CDH23: variants seen among roughly 807,000 people sequenced by gnomAD.
The protein encoded by CDH23 is cadherin-23.
A neutral mutation model predicts 317.1 loss-of-function variants in CDH23; 189 were observed. That is an observed-to-expected ratio of 0.60 (90% CI 0.53 to 0.67). The LOEUF (loss-of-function observed/expected upper bound fraction) is 0.67. Ranked by LOEUF, CDH23 falls within the 30% of genes least tolerant of loss-of-function variation. CDH23 has a pLI of 0.00. For synonymous variants in CDH23, 1,839 were observed against 1,876.8 expected (o/e 0.98, Z 0.52); for missense variants, 4,401 against 4,592.4 (o/e 0.96, Z 1.20).
chr10:71,455,570 G>T (rs1419832937), intron 3 of CDH23, among the ~76,000 whole-genome samples: 1 of 152,114 alleles, frequency 6.6e-6, no homozygotes, highest in Non-Finnish European at 1.5e-5. Context: ...TATTGTGCAT[G>T]CGAACAGAAG....
At chr10:71,615,727 C>T (rs944136147) in intron 10 of CDH23, 111 bp downstream of exon 10, 2 of 743,032 alleles carry the variant, frequency 2.7e-6, no homozygotes, top group Non-Finnish European at 4.5e-6. Context: ...GCCGGAAGCA[C>T]TTCGCTTCCG....
In CDH23 at chr10:71,784,420, A is replaced by G. The variant is rs372785265; in HGVS notation, c.5502A>G (p.Thr1834=). 21 of 1,612,422 alleles carry G rather than the reference A, an allele frequency of 1.3e-5. No individual in the cohort carries two copies. The East Asian group carries it at 1.8e-4, about 14-fold the overall frequency. ...GGGGGATGCCCCCACTCAGCTCCAC[A>G]GTGAGTCTGGGGGCCCCACCCGCTG... ...RDRGMPPLSS[T]MLVGIRVLDI... is the part of the protein sequence containing the mutation. The change falls in exon 42 of 70, where the codon ACA becomes ACG. Residue 1834 remains threonine, a splice_region_variant and synonymous_variant. Coordinates refer to ENST00000224721, the MANE Select transcript of CDH23 (RefSeq NM_022124.6).
intron 6 of CDH23, among the ~76,000 whole-genome samples, chr10:71,552,599 A>G (rs566073440): frequency 1.2e-3 from 188 of 152,254 alleles, no homozygotes; most frequent in Non-Finnish European, 1.9e-3. Context: ...TCTATATTCC[A>G]AGGATGGTCC....
At position 71,803,243 on chromosome 10, in the gene CDH23, G is replaced by A; in HGVS notation, c.7695G>A (p.Val2565=). 1 of 1,601,382 alleles carries A rather than the reference G, an allele frequency of 6.2e-7. No homozygotes were observed. ...ATGTGGACATGGACTCGGGCTTGGT[G>A]ACCACACAGCGGCCACTGCAGTCCT... ...AFHVDMDSGL[V]TTQRPLQSYE... The change falls in exon 55 of 70, where the codon GTG becomes GTA. Residue 2565 remains valine (V), a synonymous_variant. Transcript: ENST00000224721.
intron 3 of CDH23, among the ~76,000 whole-genome samples, chr10:71,452,669 A>G (rs1850506724): frequency 6.6e-6 from 1 of 152,160 alleles, no homozygotes; most frequent in Non-Finnish European, 1.5e-5. Context: ...ATTTGTGTGG[A>G]ACTCCCCATT....
intron 31 of CDH23, among the ~76,000 whole-genome samples, chr10:71,731,349 A>C (rs1389688390): frequency 1.3e-5 from 2 of 152,298 alleles, no homozygotes; most frequent in East Asian, 3.9e-4. Flanking sequence ...TGTGGCATGC[A>C]TGGGATGGGG....
intron 11 of CDH23, among the ~76,000 whole-genome samples, chr10:71,625,652 G>C (rs1861698219): frequency 1.3e-5 from 2 of 152,174 alleles, no homozygotes; most frequent in Non-Finnish European, 1.5e-5. Flanking sequence ...GGTCCTGTTA[G>C]GCAGTTTGTC....
At chr10:71,577,603 T>A (rs1858301906) in intron 8 of CDH23, among the ~76,000 whole-genome samples, 1 of 152,124 alleles carries the variant, frequency 6.6e-6, no homozygotes, top group African/African-American at 2.4e-5. Flanking sequence ...TGAGACCAGA[T>A]CTCTTGTCTC....
intron 34 of CDH23, 127 bp downstream of exon 34, chr10:71,734,785 C>T: frequency 3.5e-6 from 2 of 569,226 alleles, no homozygotes; most frequent in African/African-American, 1.9e-5. Context: ...CTGCAGCAGG[C>T]CCCCTCCCAG....
At chr10:71,435,550 T>A (rs1023724703) in intron 1 of CDH23, among the ~76,000 whole-genome samples, 3 of 152,166 alleles carry the variant, frequency 2.0e-5, no homozygotes, top group Non-Finnish European at 4.4e-5. Flanking sequence ...CTTGAGAGAT[T>A]TGGGGGCAGC....
intron 14 of CDH23, among the ~76,000 whole-genome samples, chr10:71,663,749 C>A (rs757522681): frequency 4.6e-5 from 7 of 152,210 alleles, no homozygotes; most frequent in Non-Finnish European, 8.8e-5. Flanking sequence ...AGGATTAAAT[C>A]AGTGAGCATT....
chr10:71,516,343 A>T (rs182439150), intron 6 of CDH23, among the ~76,000 whole-genome samples: 5 of 152,258 alleles, frequency 3.3e-5, no homozygotes, highest in African/African-American at 1.2e-4. Context: ...TGAGAGGTGG[A>T]GGGTCCTTGC....
intron 3 of CDH23, among the ~76,000 whole-genome samples, chr10:71,449,355 C>T (rs1462368528): frequency 2.0e-5 from 3 of 152,106 alleles, no homozygotes; most frequent in Admixed American, 2.0e-4. Flanking sequence ...CCTTAGACAC[C>T]CAGTGATGGT....
intron 38 of CDH23, among the ~76,000 whole-genome samples, chr10:71,759,854 C>CACATATATAT (rs1840262050): frequency 9.2e-6 from 1 of 109,202 alleles, no homozygotes; most frequent in Non-Finnish European, 2.1e-5. Context: ...CACATATACA[C>CACATATATAT]ACACACACAC....
chr10:71,807,823 A>C (rs1427351358), intron 59 of CDH23, 23 bp from the exon 60 acceptor site: 5 of 1,592,866 alleles, frequency 3.1e-6, no homozygotes, highest in Non-Finnish European at 4.3e-6. Flanking sequence ...CCTGCCACTT[A>C]CACCACCTGC....
chr10:71,590,143 C>T (rs998820223), intron 9 of CDH23, among the ~76,000 whole-genome samples: 1 of 152,232 alleles, frequency 6.6e-6, no homozygotes, highest in Non-Finnish European at 1.5e-5. Flanking sequence ...GCTCCTCTGC[C>T]ACCTCTCTCT....
At chr10:71,664,946 T>G (rs968411359) in intron 14 of CDH23, among the ~76,000 whole-genome samples, 6 of 151,910 alleles carry the variant, frequency 3.9e-5, no homozygotes, top group Non-Finnish European at 8.8e-5. Flanking sequence ...TCTGATGTCC[T>G]TTCCTCCCTA....
chr10:71,663,092 A>G (rs1272612057), intron 14 of CDH23, among the ~76,000 whole-genome samples: 1 of 152,234 alleles, frequency 6.6e-6, no homozygotes, highest in Non-Finnish European at 1.5e-5. Context: ...AAAATCTTCC[A>G]CATAATTATT....
At chr10:71,430,647 A>G (rs1849328269) in intron 1 of CDH23, among the ~76,000 whole-genome samples, 1 of 152,170 alleles carries the variant, frequency 6.6e-6, no homozygotes, top group African/African-American at 2.4e-5. Context: ...GTCTCTACTA[A>G]AAATACAAAA....
Sources: gnomAD v4.1 joint callset for allele counts (sites outside exome capture counted in the v4.1 genomes callset) on GRCh38, gnomAD v4.1.1 for gene constraint, MANE v1.5 for transcripts, NCBI Gene and HGNC (gene_info 2026-07-23, HGNC 2026-07-21) for gene names.